The following PLD1 variants were observed in gnomAD, a reference collection of about 807,000 sequenced individuals.
PLD1 encodes the protein choline phosphatase 1.
PLD1 carries 112 observed loss-of-function variants against 137.1 expected under a neutral mutation model. That is an observed-to-expected ratio of 0.82 (90% CI 0.70 to 0.96). PLD1 has a LOEUF of 0.96. Ranked by LOEUF, PLD1 falls within the 40% of genes least tolerant of loss-of-function variation. PLD1 has a pLI of 0.00. For synonymous variants in PLD1, 431 were observed against 454.7 expected (o/e 0.95, Z 0.66); for missense variants, 1,321 against 1,342.0 (o/e 0.98, Z 0.24).
chr3:171,638,164 G>T (rs1433653638), intron 23 of PLD1, among the ~76,000 whole-genome samples: 2 of 136,338 alleles, frequency 1.5e-5, no homozygotes, highest in South Asian at 4.6e-4. Flanking sequence ...CAGCCTGGGC[G>T]ACAGAGCGAG....
intron 23 of PLD1, among the ~76,000 whole-genome samples, chr3:171,640,459 T>C (rs1735639547): frequency 1.3e-5 from 2 of 152,220 alleles, no homozygotes; most frequent in African/African-American, 4.8e-5. Flanking sequence ...AATTTCCACC[T>C]ATCTGTGAAT....
At chr3:171,702,593 T>A (rs1716342963) in intron 11 of PLD1, among the ~76,000 whole-genome samples, 1 of 152,066 alleles carries the variant, frequency 6.6e-6, no homozygotes, top group South Asian at 2.1e-4. Flanking sequence ...TGCCAATATT[T>A]GTGGTAATTT....
intron 19 of PLD1, among the ~76,000 whole-genome samples, chr3:171,674,182 G>C (rs1459822895): frequency 6.6e-6 from 1 of 152,188 alleles, no homozygotes; most frequent in Admixed American, 6.5e-5. Flanking sequence ...CACATTCCTG[G>C]TGCTTAGGCA....
At chr3:171,638,850 C>T (rs1735390026) in intron 23 of PLD1, among the ~76,000 whole-genome samples, 1 of 152,068 alleles carries the variant, frequency 6.6e-6, no homozygotes, top group Admixed American at 6.6e-5. Context: ...AAGTAGATTG[C>T]CCTCCCCAAT....
At chr3:171,740,177 T>C (rs2108270158) in intron 1 of PLD1, among the ~76,000 whole-genome samples, 1 of 152,288 alleles carries the variant, frequency 6.6e-6, no homozygotes, top group Admixed American at 6.5e-5. Context: ...TTAACCCTTT[T>C]CCTATCCCAA....
chr3:171,610,522 T>A (rs116015479), intron 25 of PLD1, among the ~76,000 whole-genome samples: 1 of 152,200 alleles, frequency 6.6e-6, no homozygotes, highest in Non-Finnish European at 1.5e-5. Flanking sequence ...AATTTGTACA[T>A]AAAAATGTGC....
intron 23 of PLD1, among the ~76,000 whole-genome samples, chr3:171,640,596 G>A (rs9837034): frequency 5.9e-5 from 9 of 152,076 alleles, no homozygotes; most frequent in Non-Finnish European, 2.9e-5. Flanking sequence ...CTGTGTATGT[G>A]TGTGAGGGCC....
rs138155245 is a variant in PLD1 at position 171,705,049 on chromosome 3, G to A, written c.1145+3706C>T. On this transcript the variant is annotated intron_variant, in intron 11 of 26. Transcript: ENST00000351298. ...AATGCTCATGCTCGCTACCTCCCCCGACAAGCTCTGGCTCACCTCCTGTTG... is the reference window on the plus strand; with the variant it reads ...AATGCTCATGCTCGCTACCTCCCCCAACAAGCTCTGGCTCACCTCCTGTTG... Among the ~76,000 whole-genome samples the A allele has an allele frequency of 4.5e-4, 68 of 152,286 alleles. 1 individual carries two copies. Among genetic ancestry groups the A allele is most frequent in the African/African-American group, 1.3e-3 (56 of 41,562 alleles).
At chr3:171,784,625 C>G (rs375226426) in intron 1 of PLD1, among the ~76,000 whole-genome samples, 22 of 152,136 alleles carry the variant, frequency 1.4e-4, no homozygotes, top group African/African-American at 5.3e-4. Context: ...TCTTGCTGTT[C>G]CCTCCCCTGG....
At chr3:171,655,577 A>G (rs974284299) in intron 21 of PLD1, among the ~76,000 whole-genome samples, 3 of 151,794 alleles carry the variant, frequency 2.0e-5, no homozygotes, top group Non-Finnish European at 4.4e-5. Flanking sequence ...GCCTTTAGAA[A>G]TCCTCCCGCC....
intron 19 of PLD1, among the ~76,000 whole-genome samples, chr3:171,668,381 C>T (rs1205677413): frequency 6.6e-6 from 1 of 152,220 alleles, no homozygotes; most frequent in Non-Finnish European, 1.5e-5. Context: ...CTACTTTATT[C>T]TCTCACACCA....
intron 24 of PLD1, among the ~76,000 whole-genome samples, chr3:171,616,462 G>A (rs557735667): frequency 2.9e-4 from 44 of 152,274 alleles, no homozygotes; most frequent in African/African-American, 1.1e-3. Flanking sequence ...GGCGAACTAA[G>A]GCTGTATATG....
chr3:171,677,522 T>C lies in PLD1; in HGVS notation c.1996+44A>G, dbSNP rs749616701. 8 of 1,588,066 alleles carry C rather than the reference T, an allele frequency of 5.0e-6. No homozygotes were observed. The Admixed American group carries it at 1.2e-4, about 24-fold the overall frequency. On this transcript the variant is annotated intron_variant, in intron 17 of 26. Transcript: ENST00000351298. Reference sequence around the variant, plus strand: ...GTATACTTGCTGAGATGTTCAAAGGTAAAAGACAAAATATAACCAGCACCC... The same window carrying C: ...GTATACTTGCTGAGATGTTCAAAGGCAAAAGACAAAATATAACCAGCACCC...
At position 171,612,207 on chromosome 3, in the gene PLD1, G is replaced by T; in HGVS notation, c.2882+72C>A. The T allele has an allele frequency of 1.4e-6, 2 of 1,428,706 alleles. No homozygotes were observed. The highest frequency in any genetic ancestry group is 2.5e-5 in the South Asian group (2 of 81,102). 88.5% of individuals were successfully genotyped at this position (1,428,706 alleles called of 1,614,324 possible). On this transcript the variant is annotated intron_variant, in intron 25 of 26. Coordinates refer to ENST00000351298, the MANE Select transcript of PLD1 (RefSeq NM_002662.5). This position sits in a 1 kb window ranked among gnomAD's most constrained non-coding sequence, Gnocchi z 4.1. ...AACCTAGGATGACCCATGTGCTCAGGGCTAGCGGGGCTGGGTCCCAGCGAC... is the reference window on the plus strand; with the variant it reads ...AACCTAGGATGACCCATGTGCTCAGTGCTAGCGGGGCTGGGTCCCAGCGAC...
At chr3:171,714,117 C>G in intron 8 of PLD1, 72 bp from the exon 9 acceptor site, 1 of 946,616 alleles carries the variant, frequency 1.1e-6, no homozygotes, top group Non-Finnish European at 1.7e-6. Context: ...ATCATTATGA[C>G]AAGTCTTAAG....
chr3:171,787,925 C>T (rs977795401), intron 1 of PLD1, among the ~76,000 whole-genome samples: 10 of 151,776 alleles, frequency 6.6e-5, no homozygotes, highest in African/African-American at 1.4e-4. Flanking sequence ...AAAATTCAGC[C>T]GGGTGCAGCA....
At chr3:171,743,276 C>T (rs1411652762) in intron 1 of PLD1, among the ~76,000 whole-genome samples, 4 of 152,118 alleles carry the variant, frequency 2.6e-5, no homozygotes, top group Non-Finnish European at 5.9e-5. Flanking sequence ...AGAGTTTATC[C>T]TGCTTTTCAT....
chr3:171,618,394 C>T (rs936752033), intron 24 of PLD1, among the ~76,000 whole-genome samples: 8 of 152,100 alleles, frequency 5.3e-5, no homozygotes, highest in African/African-American at 1.9e-4. Flanking sequence ...GTCAAAATGA[C>T]CTTTCAAAAA....
At chr3:171,719,717 AAACTT>A (rs2108228573) in intron 8 of PLD1, among the ~76,000 whole-genome samples, 1 of 152,360 alleles carries the variant, frequency 6.6e-6, no homozygotes, top group East Asian at 1.9e-4. Context: ...TTGACATAAG[AAACTT>A]AACTTACGAC....
Sources: allele counts gnomAD v4.1 joint callset (sites outside exome capture counted in the v4.1 genomes callset), GRCh38; gene constraint gnomAD v4.1.1; non-coding constraint Gnocchi (gnomAD v3.1); transcripts MANE v1.5; gene names NCBI Gene and HGNC (gene_info 2026-07-23, HGNC 2026-07-21).